Variants in SPATA33 observed in about 807,000 individuals in gnomAD.
SPATA33 encodes spermatogenesis-associated protein 33.
In SPATA33, 10 loss-of-function variants were observed where a neutral mutation model predicts 8.9. That is an observed-to-expected ratio of 1.12 (90% CI 0.69 to 1.90). The LOEUF (loss-of-function observed/expected upper bound fraction) is 1.90, where lower values mean the gene tolerates loss of function less well. Ranked by LOEUF, SPATA33 falls within the 40% of genes most tolerant of loss-of-function variation. SPATA33 has a pLI of 0.00. For missense variants in SPATA33, 241 were observed against 178.3 expected (o/e 1.35, Z -2.00); for synonymous variants, 96 against 72.8 (o/e 1.32, Z -1.63).
In SPATA33 at chr16:89,658,379, GCCGGGA is replaced by G; in HGVS notation, c.171_176del (p.Gly58_Thr59del). 1 of 1,612,880 alleles carries G rather than the reference GCCGGGA, an allele frequency of 6.2e-7. No individual in the cohort carries two copies. The highest frequency in any genetic ancestry group is 1.7e-4 in the Middle Eastern group (1 of 5,832). On this transcript the variant is annotated inframe_deletion, in exon 2 of 3. Transcript: ENST00000579310. ...GCCTGTGGACAGCCTCCACCCGGGG[GCCGGGA>G]CAGCCAAGCACCCGCCGCCGGCAGC...
At chr16:89,668,902 G>C (rs1162192774) in intron 2 of SPATA33, among the ~76,000 whole-genome samples, 1 of 152,258 alleles carries the variant, frequency 6.6e-6, no homozygotes, top group East Asian at 1.9e-4. Context: ...GTTCTGTACA[G>C]AGGGCTTTAG....
At chr16:89,662,293 C>CAA (rs34420644) in intron 2 of SPATA33, among the ~76,000 whole-genome samples, 39 of 141,816 alleles carry the variant, frequency 2.8e-4, no homozygotes, top group East Asian at 6.3e-4. Flanking sequence ...GACTCCATCT[C>CAA]AAAAAAAAAA....
intron 2 of SPATA33, among the ~76,000 whole-genome samples, chr16:89,662,161 G>T (rs1425931690): frequency 6.6e-6 from 1 of 151,998 alleles, no homozygotes; most frequent in Non-Finnish European, 1.5e-5. Flanking sequence ...GGGTGTGGTG[G>T]TGCACACCTG....
intron 2 of SPATA33, among the ~76,000 whole-genome samples, chr16:89,662,591 T>C (rs1457584968): frequency 6.6e-6 from 1 of 151,500 alleles, no homozygotes; most frequent in Non-Finnish European, 1.5e-5. Flanking sequence ...GCCCAGCTAA[T>C]TTTTTTTGTA....
intron 2 of SPATA33, among the ~76,000 whole-genome samples, chr16:89,662,706 C>T (rs938861258): frequency 6.6e-6 from 1 of 150,628 alleles, no homozygotes; most frequent in Non-Finnish European, 1.5e-5. Context: ...AGATCACAGG[C>T]GTGAGCCACC....
chr16:89,664,066 C>T (rs2059994749), intron 2 of SPATA33, among the ~76,000 whole-genome samples: 1 of 152,110 alleles, frequency 6.6e-6, no homozygotes, highest in South Asian at 2.1e-4. Flanking sequence ...CTGCAGTGAG[C>T]CAAGATCGTG....
chr16:89,664,753 C>T (rs922833110), intron 2 of SPATA33, among the ~76,000 whole-genome samples: 6 of 152,180 alleles, frequency 3.9e-5, no homozygotes, highest in African/African-American at 7.2e-5. Flanking sequence ...TTCCTTGAAC[C>T]GGGAATAAAT....
intron 2 of SPATA33, among the ~76,000 whole-genome samples, chr16:89,665,542 C>T (rs1163954907): frequency 3.5e-5 from 5 of 141,036 alleles, no homozygotes; most frequent in Non-Finnish European, 4.6e-5. Flanking sequence ...TCTTAATTTC[C>T]TGACCTCGTG....
chr16:89,658,414 G>C lies in SPATA33; in HGVS notation c.204G>C (p.Ser68=), dbSNP rs544912426. ...CCAAGCACCCGCCGCCGGCAGCTTC[G>C]CTGGAAGGTAGGAGACGGCGGGAGG... ...GTAKHPPPAA[S]LEEKPDVKQK... is the part of the protein sequence containing the mutation. Residue 68 remains serine (S), a synonymous_variant, in exon 2 of 3, where the codon TCG becomes TCC. Coordinates refer to ENST00000579310, the MANE Select transcript of SPATA33 (RefSeq NM_001271907.2). 1 of 1,607,732 alleles carries C rather than the reference G, an allele frequency of 6.2e-7. No homozygotes were observed. The highest frequency in any genetic ancestry group is 8.5e-7 in the Non-Finnish European group (1 of 1,177,742).
At chr16:89,665,007 C>A (rs988252922) in intron 2 of SPATA33, among the ~76,000 whole-genome samples, 1 of 152,180 alleles carries the variant, frequency 6.6e-6, no homozygotes, top group Non-Finnish European at 1.5e-5. Context: ...CACATTTATT[C>A]TTTCTGTTTT....
chr16:89,663,444 C>G (rs995131720), intron 2 of SPATA33, among the ~76,000 whole-genome samples: 2 of 152,018 alleles, frequency 1.3e-5, no homozygotes, highest in African/African-American at 2.4e-5. Flanking sequence ...AACTCCCGAC[C>G]TCAGGTGATC....
At chr16:89,666,541 C>G (rs1466272882) in intron 2 of SPATA33, among the ~76,000 whole-genome samples, 1 of 152,014 alleles carries the variant, frequency 6.6e-6, no homozygotes, top group East Asian at 1.9e-4. Flanking sequence ...TGTGTAGGGT[C>G]CAGCCCCACA....
At chr16:89,666,761 G>A (rs776156005) in intron 2 of SPATA33, among the ~76,000 whole-genome samples, 19 of 152,192 alleles carry the variant, frequency 1.2e-4, no homozygotes, top group Non-Finnish European at 1.8e-4. Context: ...CCAATGATAG[G>A]TGAGGTCATG....
At chr16:89,662,147 A>C (rs903648174) in intron 2 of SPATA33, among the ~76,000 whole-genome samples, 1 of 152,062 alleles carries the variant, frequency 6.6e-6, no homozygotes, top group Non-Finnish European at 1.5e-5. Context: ...CAAAAAAATT[A>C]GCTGGGTGTG....
intron 2 of SPATA33, chr16:89,660,737 G>A (rs927983572): frequency 5.9e-5 from 46 of 778,962 alleles, no homozygotes; most frequent in African/African-American, 1.4e-4. Context: ...AATGGGAGCC[G>A]GCCACAGCTG....
intron 2 of SPATA33, among the ~76,000 whole-genome samples, chr16:89,664,571 C>G (rs988306231): frequency 6.6e-6 from 1 of 150,626 alleles, no homozygotes; most frequent in Non-Finnish European, 1.5e-5. Flanking sequence ...AGGGCCCGAC[C>G]TGATCAGGGA....
intron 2 of SPATA33, among the ~76,000 whole-genome samples, chr16:89,661,923 AC>A (rs1211343666): frequency 1.3e-5 from 2 of 152,178 alleles, no homozygotes; most frequent in South Asian, 4.1e-4. Flanking sequence ...TATTATAGTT[AC>A]GCTAAAACAC....
At chr16:89,658,824 A>G (rs903260618) in intron 2 of SPATA33, 2 of 215,456 alleles carry the variant, frequency 9.3e-6, no homozygotes, top group Non-Finnish European at 1.9e-5. Flanking sequence ...GGGGATAAGT[A>G]CATTGCGGAG....
At chr16:89,662,133 A>C (rs1287058475) in intron 2 of SPATA33, among the ~76,000 whole-genome samples, 1 of 152,050 alleles carries the variant, frequency 6.6e-6, no homozygotes, top group Non-Finnish European at 1.5e-5. Context: ...CTCTACAAAA[A>C]ATACAAAAAA....
Sources: allele counts gnomAD v4.1 joint callset (sites outside exome capture counted in the v4.1 genomes callset), GRCh38; gene constraint gnomAD v4.1.1; transcripts MANE v1.5; gene names NCBI Gene and HGNC (gene_info 2026-07-23, HGNC 2026-07-21).